KIF16B: variants seen among roughly 807,000 people sequenced by gnomAD.
The protein encoded by KIF16B is kinesin-like protein KIF16B.
KIF16B carries 98 observed loss-of-function variants against 156.3 expected under a neutral mutation model. The ratio of observed to expected loss-of-function variants is 0.63; its 90% CI spans 0.53 to 0.74. The LOEUF is 0.74. KIF16B is among the 30% of genes least tolerant of loss of function. The pLI is 0.00. For synonymous variants in KIF16B, 564 were observed against 583.7 expected, an observed-to-expected ratio of 0.97 and a Z score of 0.49; for missense variants, 1,421 against 1,606.5, an observed-to-expected ratio of 0.88 and a Z score of 1.97.
intron 12 of KIF16B, among the ~76,000 whole-genome samples, chr20:16,443,182 C>A (rs148890938): frequency 1.3e-5 from 2 of 152,194 alleles, no homozygotes; most frequent in African/African-American, 4.8e-5. Context: ...GAATATAACC[C>A]CCTTCCACCT....
At chr20:16,508,828 C>T (rs1334076793) in intron 6 of KIF16B, among the ~76,000 whole-genome samples, 1 of 152,178 alleles carries the variant, frequency 6.6e-6, no homozygotes, top group Non-Finnish European at 1.5e-5. Flanking sequence ...AAAAGCACTG[C>T]CTTCATGCAA....
intron 12 of KIF16B, among the ~76,000 whole-genome samples, chr20:16,444,165 C>A (rs2066872606): frequency 6.6e-6 from 1 of 152,232 alleles, no homozygotes; most frequent in Non-Finnish European, 1.5e-5. Flanking sequence ...AAACTATTTA[C>A]ATGTTGTAAA....
At chr20:16,407,764 T>C (rs750285696) in intron 15 of KIF16B, among the ~76,000 whole-genome samples, 3 of 152,146 alleles carry the variant, frequency 2.0e-5, no homozygotes, top group African/African-American at 4.8e-5. Flanking sequence ...GGTCACAAAC[T>C]GGTGGCCAGA....
rs1231343154 is a variant in KIF16B at position 16,456,839 on chromosome 20, T to C, written c.1303-26857A>G. ...CTCGCTTGCCATGTTTAGTGACCTA[T>C]GAATGCTGCACAGCAGTCAAGGCTC... On this transcript the variant is annotated intron_variant, in intron 12 of 25. Transcript: ENST00000354981. 2.6e-5 allele frequency among the ~76,000 whole-genome samples: 4 copies of C among 152,192 alleles called. No individual in the cohort carries two copies. In the East Asian group the frequency reaches 5.8e-4, roughly 22 times the overall value.
chr20:16,498,722 T>C (rs898137226), intron 10 of KIF16B, among the ~76,000 whole-genome samples: 5 of 152,154 alleles, frequency 3.3e-5, no homozygotes, highest in South Asian at 2.1e-4. Context: ...ACTATCCTTA[T>C]GCCCACTGCC....
chr20:16,409,968 TAC>T (rs74175689), intron 15 of KIF16B, among the ~76,000 whole-genome samples: 2,401 of 28,396 alleles, frequency 0.085, 222 homozygotes, highest in South Asian at 0.1. Flanking sequence ...TATATATATA[TAC>T]ATATATATAT....
intron 12 of KIF16B, among the ~76,000 whole-genome samples, chr20:16,477,202 TC>T (rs1568580726): frequency 2.2e-5 from 3 of 139,308 alleles, no homozygotes; most frequent in African/African-American, 5.5e-5. Flanking sequence ...TTTTTTTTTC[TC>T]TCCTTAAAAA....
At chr20:16,388,538 T>C (rs897765089) in intron 17 of KIF16B, among the ~76,000 whole-genome samples, 1 of 152,186 alleles carries the variant, frequency 6.6e-6, no homozygotes, top group African/African-American at 2.4e-5. Context: ...AAGAATGTAA[T>C]TTTTGCAGGT....
At chr20:16,503,944 T>G (rs577748314) in intron 10 of KIF16B, among the ~76,000 whole-genome samples, 11 of 152,292 alleles carry the variant, frequency 7.2e-5, no homozygotes, top group African/African-American at 2.6e-4. Flanking sequence ...ACCTCTCTAA[T>G]AGGTGATATG....
intron 6 of KIF16B, 40 bp from the exon 7 acceptor site, chr20:16,508,140 T>C: frequency 1.9e-6 from 3 of 1,601,536 alleles, no homozygotes; most frequent in Non-Finnish European, 1.7e-6. Flanking sequence ...ATCCCCCTAA[T>C]ATATAGGAAA....
intron 22 of KIF16B, among the ~76,000 whole-genome samples, chr20:16,366,611 C>T (rs1007456999): frequency 2.6e-5 from 4 of 152,162 alleles, no homozygotes; most frequent in South Asian, 2.1e-4. Flanking sequence ...GTCTCGATTC[C>T]GCATACCATG....
intron 22 of KIF16B, among the ~76,000 whole-genome samples, chr20:16,363,377 G>A (rs1425546413): frequency 1.3e-5 from 2 of 152,156 alleles, no homozygotes; most frequent in Non-Finnish European, 2.9e-5. Flanking sequence ...ACTCTTCCCG[G>A]TACCTTAATG....
chr20:16,435,447 G>GT (rs556613236), intron 12 of KIF16B, among the ~76,000 whole-genome samples: 1 of 152,204 alleles, frequency 6.6e-6, no homozygotes, highest in Non-Finnish European at 1.5e-5. Flanking sequence ...TGTTTAAAGA[G>GT]TTTCTTCTTT....
At position 16,526,163 on chromosome 20, in the gene KIF16B, T is replaced by C; in HGVS notation, c.160A>G (p.Lys54Glu). The change falls in exon 3 of 26, where the codon AAG (lysine) becomes GAG (glutamate). Residue 54 changes from lysine to glutamate, a missense_variant. Lys to Glu is a moderately conservative substitution (Grantham distance 56). Transcript: ENST00000354981. The stretch of plus-strand genomic sequence containing the variant: ...AAAGAAAAGTCATAGGTGAAGGTCT[T>C]GGTCCGTTCTCTTCCTGAGTCCCCA... ...GTGDSGRERT[K>E]TFTYDFSFYS... The C allele has an allele frequency of 6.2e-7, 1 of 1,608,744 alleles. No homozygotes were observed. Among genetic ancestry groups the C allele is most frequent in the Non-Finnish European group, 8.5e-7 (1 of 1,177,546 alleles).
chr20:16,514,318 G>A (rs1290361717), intron 4 of KIF16B, among the ~76,000 whole-genome samples: 23 of 151,998 alleles, frequency 1.5e-4, no homozygotes, highest in Admixed American at 1.4e-3. Context: ...CCTTTTCGGA[G>A]AAGACTTCCC....
rs1178188239 is a variant in KIF16B at position 16,502,608 on chromosome 20, GAA to G, written c.1176+1762_1176+1763del. On this transcript the variant is annotated intron_variant, in intron 10 of 25. Coordinates refer to ENST00000354981, the MANE Select transcript of KIF16B (RefSeq NM_024704.5). ...TGGTAATAAGTCATAAAAGGAAAAG[GAA>G]AAAAGACTACAAAATATAAGGCAAC... 3.9e-5 allele frequency among the ~76,000 whole-genome samples: 6 copies of G among 151,964 alleles called. No homozygotes were observed. In the East Asian group the frequency reaches 1.2e-3, roughly 29 times the overall value.
At chr20:16,543,792 G>A (rs1400811755) in intron 1 of KIF16B, among the ~76,000 whole-genome samples, 2 of 152,156 alleles carry the variant, frequency 1.3e-5, no homozygotes, top group Non-Finnish European at 2.9e-5. Context: ...CTTGGAAGAA[G>A]GAGACTTAGC....
At chr20:16,561,521 A>C (rs1174111436) in intron 1 of KIF16B, among the ~76,000 whole-genome samples, 3 of 152,184 alleles carry the variant, frequency 2.0e-5, no homozygotes, top group Non-Finnish European at 4.4e-5. Flanking sequence ...AGAAAATCTG[A>C]GGTGTGTTGC....
chr20:16,470,880 T>C (rs2067644969), intron 12 of KIF16B, among the ~76,000 whole-genome samples: 1 of 151,814 alleles, frequency 6.6e-6, no homozygotes, highest in Admixed American at 6.6e-5. Flanking sequence ...ACTGAGATGG[T>C]TTCCATTTCT....
Sources: allele counts gnomAD v4.1 joint callset (sites outside exome capture counted in the v4.1 genomes callset), GRCh38; gene constraint gnomAD v4.1.1; transcripts MANE v1.5; gene names NCBI Gene and HGNC (gene_info 2026-07-23, HGNC 2026-07-21).